The following CHSY3 variants were observed in gnomAD, a reference collection of about 807,000 sequenced individuals.
CHSY3 encodes N-acetylgalactosaminyl-proteoglycan 3-beta-glucuronosyltransferase 3.
CHSY3 carries 35 observed loss-of-function variants against 67.2 expected under a neutral mutation model. That is an observed-to-expected ratio of 0.52 (90% CI 0.40 to 0.69). CHSY3 has a LOEUF of 0.69. Ranked by LOEUF, CHSY3 falls within the 30% of genes least tolerant of loss-of-function variation. The pLI is 0.00. For synonymous variants in CHSY3, 474 were observed against 434.7 expected (o/e 1.09, Z -1.12); for missense variants, 1,069 against 1,138.5 (o/e 0.94, Z 0.88).
intron 2 of CHSY3, chr5:130,141,694 C>G (rs1372416721): frequency 1.9e-6 from 1 of 527,460 alleles, no homozygotes; most frequent in Non-Finnish European, 3.8e-6. Context: ...TGAGAAACTT[C>G]AAGGCAAGAT....
At chr5:130,106,355 A>G (rs1000677595) in intron 2 of CHSY3, among the ~76,000 whole-genome samples, 1 of 151,614 alleles carries the variant, frequency 6.6e-6, no homozygotes, top group Non-Finnish European at 1.5e-5. Flanking sequence ...AATTTGTGTT[A>G]TGGGCATATC....
At chr5:130,072,875 G>T (rs1766128139) in intron 2 of CHSY3, among the ~76,000 whole-genome samples, 1 of 152,146 alleles carries the variant, frequency 6.6e-6, no homozygotes, top group African/African-American at 2.4e-5. Context: ...ATTATGCTAA[G>T]TGAAATAAGT....
intron 2 of CHSY3, among the ~76,000 whole-genome samples, chr5:130,137,793 A>G (rs1440171323): frequency 6.6e-6 from 1 of 152,230 alleles, no homozygotes; most frequent in Non-Finnish European, 1.5e-5. Context: ...ACAGTGTGAG[A>G]AGGAAGACAG....
intron 2 of CHSY3, among the ~76,000 whole-genome samples, chr5:129,980,009 C>T (rs568159799): frequency 9.3e-4 from 141 of 152,254 alleles, no homozygotes; most frequent in Middle Eastern, 3.4e-3. Flanking sequence ...AAAGACATCT[C>T]GATTGCTTTC....
chr5:129,960,385 G>T (rs1233811110), intron 2 of CHSY3, among the ~76,000 whole-genome samples: 1 of 151,992 alleles, frequency 6.6e-6, no homozygotes, highest in Non-Finnish European at 1.5e-5. Flanking sequence ...CATTGAGGTT[G>T]GGATTTTGTC....
intron 2 of CHSY3, among the ~76,000 whole-genome samples, chr5:129,967,839 T>C (rs1256806365): frequency 6.6e-6 from 1 of 151,834 alleles, no homozygotes; most frequent in Non-Finnish European, 1.5e-5. Flanking sequence ...GGTTTTTAAA[T>C]GGCACATCTA....
At chr5:130,143,756 A>ATATATATATATGTGTGTGTGTGTG (rs1433405052) in intron 2 of CHSY3, among the ~76,000 whole-genome samples, 1 of 101,938 alleles carries the variant, frequency 9.8e-6, no homozygotes, top group African/African-American at 4.8e-5. Flanking sequence ...ATATATATAT[A>ATATATATATATGTGTGTGTGTGTG]TGTGTGTGTG....
intron 2 of CHSY3, among the ~76,000 whole-genome samples, chr5:129,941,226 G>A (rs749690387): frequency 6.6e-6 from 1 of 152,048 alleles, no homozygotes; most frequent in Non-Finnish European, 1.5e-5. Context: ...ATAAATAAAT[G>A]CAGTTTTAGC....
chr5:130,050,340 T>C (rs886069927), intron 2 of CHSY3, among the ~76,000 whole-genome samples: 2 of 152,138 alleles, frequency 1.3e-5, no homozygotes, highest in African/African-American at 2.4e-5. Flanking sequence ...ATTTGTGGTA[T>C]CTTTAAGCAA....
At chr5:130,126,040 C>G (rs995808094) in intron 2 of CHSY3, among the ~76,000 whole-genome samples, 1 of 152,076 alleles carries the variant, frequency 6.6e-6, no homozygotes, top group Non-Finnish European at 1.5e-5. Context: ...ATGGTTTTTG[C>G]AATGCCTTTT....
Position 130,186,387 on chromosome 5 carries a change from G to T in CHSY3, c.*596G>T, listed in dbSNP as rs1202257366. 1 of 150,524 alleles carries T rather than the reference G, an allele frequency of 6.6e-6. No homozygotes were observed. Among genetic ancestry groups the T allele is most frequent in the African/African-American group, 2.5e-5 (1 of 39,464 alleles). The allele number at this position is 150,524 out of a possible 1,614,324, so 9.3% of individuals were successfully genotyped here. ...AAAGTTTTAAAAATTGAGGAGTTTTGTTCCACAAGCAACCGGTACTGGCTA... is the reference window on the plus strand; with the variant it reads ...AAAGTTTTAAAAATTGAGGAGTTTTTTTCCACAAGCAACCGGTACTGGCTA... On this transcript the variant is annotated 3_prime_UTR_variant, in exon 3 of 3. Transcript: ENST00000305031.
At chr5:130,086,323 G>T (rs1241703358) in intron 2 of CHSY3, among the ~76,000 whole-genome samples, 1 of 152,042 alleles carries the variant, frequency 6.6e-6, no homozygotes, top group African/African-American at 2.4e-5. Context: ...ATTTAGGATA[G>T]TTAGCTCTTC....
At chr5:130,111,465 G>A (rs1456842820) in intron 2 of CHSY3, among the ~76,000 whole-genome samples, 1 of 152,096 alleles carries the variant, frequency 6.6e-6, no homozygotes, top group East Asian at 1.9e-4. Flanking sequence ...CAATCAGCCC[G>A]ATTTTAAAAA....
intron 2 of CHSY3, among the ~76,000 whole-genome samples, chr5:129,910,768 A>G (rs1760510905): frequency 6.6e-6 from 1 of 152,038 alleles, no homozygotes; most frequent in East Asian, 1.9e-4. Flanking sequence ...TGGTGTCCAT[A>G]TATGATACTG....
chr5:130,043,317 A>G (rs1438014867), intron 2 of CHSY3, among the ~76,000 whole-genome samples: 1 of 152,066 alleles, frequency 6.6e-6, no homozygotes, highest in African/African-American at 2.4e-5. Flanking sequence ...GTTAAAGAGA[A>G]GTCACTTATT....
chr5:130,154,282 A>G (rs1417064414), intron 2 of CHSY3, among the ~76,000 whole-genome samples: 3 of 152,214 alleles, frequency 2.0e-5, no homozygotes, highest in Admixed American at 1.3e-4. Context: ...TTTAAGGAAT[A>G]GCTCTTCCTT....
In CHSY3 at chr5:130,001,792, A is replaced by G. The variant is rs971979164; in HGVS notation, c.1086+93432A>G. The stretch of plus-strand genomic sequence containing the variant: ...CATGCCCTCGCTGATAGTTTCCTGT[A>G]TATCTAGATTATGGGAATACAAATA... On this transcript the variant is annotated intron_variant, in intron 2 of 2. Coordinates refer to ENST00000305031, the MANE Select transcript of CHSY3 (RefSeq NM_175856.5). 11 of 811,376 alleles carry G rather than the reference A, an allele frequency of 1.4e-5. No homozygotes were observed. The East Asian group carries it at 1.3e-3, about 93-fold the overall frequency. The allele number at this position is 811,376 out of a possible 1,614,324, so 50.3% of individuals were successfully genotyped here.
At chr5:129,981,081 C>T (rs570367953) in intron 2 of CHSY3, among the ~76,000 whole-genome samples, 5 of 147,894 alleles carry the variant, frequency 3.4e-5, no homozygotes, top group Admixed American at 1.4e-4. Flanking sequence ...ATTAGCCGGA[C>T]GTGGTGGCGG....
chr5:129,956,768 G>T (rs1267677507), intron 2 of CHSY3, among the ~76,000 whole-genome samples: 1 of 151,684 alleles, frequency 6.6e-6, no homozygotes, highest in Non-Finnish European at 1.5e-5. Flanking sequence ...AAGCTCAGAT[G>T]GTTGTAGGTT....
Sources: allele counts gnomAD v4.1 joint callset (sites outside exome capture counted in the v4.1 genomes callset), GRCh38; gene constraint gnomAD v4.1.1; transcripts MANE v1.5; gene names NCBI Gene and HGNC (gene_info 2026-07-23, HGNC 2026-07-21).